The following CC2D2A variants were observed in gnomAD, a reference collection of about 807,000 sequenced individuals.
The protein encoded by CC2D2A is coiled-coil and C2 domain containing 2A, also known as coiled-coil and C2 domain-containing protein 2A.
CC2D2A carries 155 observed loss-of-function variants against 212.9 expected under a neutral mutation model. The ratio of observed to expected loss-of-function variants is 0.73; its 90% CI spans 0.64 to 0.83. CC2D2A has a LOEUF of 0.83. Ranked by LOEUF, CC2D2A falls within the 40% of genes least tolerant of loss-of-function variation. CC2D2A has a pLI of 0.00. For synonymous variants in CC2D2A, 667 were observed against 686.5 expected, an observed-to-expected ratio of 0.97 and a Z score of 0.44; for missense variants, 1,856 against 1,956.2, an observed-to-expected ratio of 0.95 and a Z score of 0.97.
chr4:15,475,050 C>T (rs1463055312), intron 1 of CC2D2A, among the ~76,000 whole-genome samples: 1 of 151,974 alleles, frequency 6.6e-6, no homozygotes, highest in Non-Finnish European at 1.5e-5. Flanking sequence ...CCCAGGCAGG[C>T]GGATCACAAG....
chr4:15,529,002 A>C (rs987737939), intron 13 of CC2D2A, among the ~76,000 whole-genome samples: 4 of 152,246 alleles, frequency 2.6e-5, no homozygotes, highest in African/African-American at 9.6e-5. Flanking sequence ...ATGTTGAAGA[A>C]GCTCATCAGT....
intron 6 of CC2D2A, among the ~76,000 whole-genome samples, chr4:15,506,928 A>T (rs1577333100): frequency 6.6e-6 from 1 of 151,626 alleles, no homozygotes; most frequent in Admixed American, 6.6e-5. Context: ...AAAAAAAAAA[A>T]TTAGCCGGGT....
Position 15,589,623 on chromosome 4 carries a change from C to T in CC2D2A, c.4258C>T (p.Gln1420Ter). Residue 1420 changes from glutamine to a stop codon, truncating the protein, a stop_gained, in exon 33 of 37, where the codon CAA (glutamine) becomes TAA (stop). Transcript: ENST00000424120. LOFTEE classifies it high-confidence loss of function. ...TCCCTGCAGTGGACATTTTTATGGACAATTTGATACATTCTGTCCCTTGAA... is the reference window on the plus strand; with the variant it reads ...TCCCTGCAGTGGACATTTTTATGGATAATTTGATACATTCTGTCCCTTGAA... ...WNPCSGHFYG[Q>*]FDTFCPLKNV... The T allele has an allele frequency of 6.2e-7, 1 of 1,611,814 alleles. No homozygotes were observed.
Position 15,563,349 on chromosome 4 carries a change from C to A in CC2D2A, c.3015-6C>A. The A allele has an allele frequency of 6.3e-7, 1 of 1,595,332 alleles. No homozygotes were observed. The highest frequency in any genetic ancestry group is 8.5e-7 in the Non-Finnish European group (1 of 1,170,488). On this transcript the variant is annotated splice_region_variant and splice_polypyrimidine_tract_variant and intron_variant, in intron 23 of 36. Transcript: ENST00000424120. ...TAGAGTCCTGATCCTGTTCTGTAAT[C>A]ATTAGCATTTTGGGCCTAAGCCTTT...
At chr4:15,472,197 A>G (rs554855078) in intron 1 of CC2D2A, among the ~76,000 whole-genome samples, 24 of 152,356 alleles carry the variant, frequency 1.6e-4, no homozygotes, top group African/African-American at 5.5e-4. Flanking sequence ...TTTAATAATT[A>G]TAACTTTGGA....
chr4:15,532,037 C>G (rs546716072), intron 13 of CC2D2A, among the ~76,000 whole-genome samples: 1 of 152,136 alleles, frequency 6.6e-6, no homozygotes, highest in African/African-American at 2.4e-5. Flanking sequence ...CTACCATACC[C>G]ATTTTACAGA....
intron 30 of CC2D2A, among the ~76,000 whole-genome samples, chr4:15,582,550 A>G (rs961830613): frequency 3.3e-5 from 5 of 152,138 alleles, no homozygotes; most frequent in African/African-American, 7.2e-5. Flanking sequence ...GCAAAGGATT[A>G]TAAGAGACTT....
At chr4:15,492,769 C>T in intron 4 of CC2D2A, 1 of 750,464 alleles carries the variant, frequency 1.3e-6, no homozygotes, top group Non-Finnish European at 2.3e-6. Flanking sequence ...CACTCTATTG[C>T]TATAGCCAAA....
intron 4 of CC2D2A, among the ~76,000 whole-genome samples, chr4:15,488,615 G>A (rs963520857): frequency 6.6e-6 from 1 of 152,158 alleles, no homozygotes; most frequent in African/African-American, 2.4e-5. Context: ...CTGGATCCAC[G>A]TTTGATTACT....
chr4:15,551,854 C>T (rs764084285), intron 18 of CC2D2A, among the ~76,000 whole-genome samples: 19 of 152,018 alleles, frequency 1.2e-4, no homozygotes, highest in Non-Finnish European at 2.6e-4. Flanking sequence ...TGACTTATAT[C>T]TGGAACTTTA....
intron 17 of CC2D2A, among the ~76,000 whole-genome samples, chr4:15,544,306 G>T (rs1217177476): frequency 6.6e-6 from 1 of 152,150 alleles, no homozygotes; most frequent in Non-Finnish European, 1.5e-5. Context: ...CTCCCTTTCT[G>T]CAGGCATCAA....
intron 17 of CC2D2A, among the ~76,000 whole-genome samples, chr4:15,547,403 A>T (rs1381365245): frequency 6.6e-6 from 1 of 152,226 alleles, no homozygotes; most frequent in Non-Finnish European, 1.5e-5. Flanking sequence ...ACACTAGAAC[A>T]TACTCCTTCT....
At chr4:15,496,646 C>T (rs1161475706) in intron 4 of CC2D2A, among the ~76,000 whole-genome samples, 1 of 152,074 alleles carries the variant, frequency 6.6e-6, no homozygotes, top group Non-Finnish European at 1.5e-5. Flanking sequence ...TGGGTATACA[C>T]ACAAAGGAAT....
intron 4 of CC2D2A, among the ~76,000 whole-genome samples, chr4:15,487,792 A>ATTTTTTT (rs34391641): frequency 1.4e-4 from 21 of 147,530 alleles, no homozygotes; most frequent in Admixed American, 4.1e-4. Flanking sequence ...TGTTAAAAAA[A>ATTTTTTT]TTTTTTTTTT....
intron 6 of CC2D2A, among the ~76,000 whole-genome samples, chr4:15,509,833 T>C (rs1332398428): frequency 6.6e-6 from 1 of 152,200 alleles, no homozygotes; most frequent in African/African-American, 2.4e-5. Context: ...AGCATGTTAC[T>C]TTTCTAAATA....
chr4:15,588,690 A>G (rs1357731066), intron 32 of CC2D2A, among the ~76,000 whole-genome samples: 1 of 152,128 alleles, frequency 6.6e-6, no homozygotes, highest in Non-Finnish European at 1.5e-5. Context: ...TGGTCCCAAT[A>G]AAAGAACACT....
chr4:15,584,012 C>A (rs1720761240), intron 30 of CC2D2A, among the ~76,000 whole-genome samples: 1 of 150,282 alleles, frequency 6.7e-6, no homozygotes, highest in African/African-American at 2.4e-5. Context: ...TTGAGGAAGG[C>A]ACAAATAAAT....
intron 29 of CC2D2A, among the ~76,000 whole-genome samples, chr4:15,578,895 G>A (rs1720529388): frequency 6.6e-6 from 1 of 151,928 alleles, no homozygotes; most frequent in African/African-American, 2.4e-5. Context: ...TCTTGTCTCA[G>A]CCTCTCAAAG....
rs761551488 is a variant in CC2D2A, at chr4:15,567,775, A to C, written c.3387A>C (p.Glu1129Asp). 1 of 1,588,730 alleles carries C rather than the reference A, an allele frequency of 6.3e-7. No homozygotes were observed. Among genetic ancestry groups the C allele is most frequent in the Non-Finnish European group, 8.5e-7 (1 of 1,170,870 alleles). ...GPNPSWNEEL[E>D]LPFRAPNGDY... ...ACCCTAGCTGGAATGAAGAACTAGA[A>C]CTTCCATTTAGGTAAGCATATTTTC... is the stretch of plus-strand genomic sequence containing the variant. Residue 1129 changes from glutamate to aspartate, a missense_variant, in exon 26 of 37, where the codon GAA (glutamate) becomes GAC (aspartate). Physicochemically the swap from Glu to Asp is conservative, Grantham distance 45. Coordinates refer to ENST00000424120, the MANE Select transcript of CC2D2A (RefSeq NM_001378615.1).
Sources: gnomAD v4.1 joint callset for allele counts (sites outside exome capture counted in the v4.1 genomes callset) on GRCh38, gnomAD v4.1.1 for gene constraint, MANE v1.5 for transcripts, NCBI Gene and HGNC (gene_info 2026-07-23, HGNC 2026-07-21) for gene names.